Variants in SYNE2 observed in about 807,000 individuals in gnomAD.
SYNE2 encodes the protein nesprin-2.
Under a neutral mutation model 856.3 loss-of-function variants are expected in SYNE2, and 431 were observed. That is an observed-to-expected ratio of 0.50 (90% confidence interval 0.47 to 0.55). SYNE2 has a LOEUF of 0.55. SYNE2 is among the 20% of genes least tolerant of loss of function. The pLI is 0.00. For missense variants in SYNE2, 8,129 were observed against 8,023.2 expected, an observed-to-expected ratio of 1.01 and a Z score of -0.50; for synonymous variants, 2,923 against 2,872.3, an observed-to-expected ratio of 1.02 and a Z score of -0.56.
intron 85 of SYNE2, among the ~76,000 whole-genome samples, chr14:64,157,298 T>G (rs530860462): frequency 4.6e-5 from 7 of 152,222 alleles, no homozygotes; most frequent in African/African-American, 1.4e-4. Context: ...TACCTTCTTA[T>G]GGATTTACCT....
chr14:64,096,508 A>G (rs1245639011), intron 61 of SYNE2, among the ~76,000 whole-genome samples: 1 of 152,138 alleles, frequency 6.6e-6, no homozygotes, highest in East Asian at 1.9e-4. Flanking sequence ...GTGTTATCCT[A>G]GTGGCTGTAG....
chr14:63,881,212 C>A (rs1595401478), intron 1 of SYNE2, among the ~76,000 whole-genome samples: 2 of 151,796 alleles, frequency 1.3e-5, no homozygotes, highest in Non-Finnish European at 2.9e-5. Flanking sequence ...CTCCTGGGCT[C>A]AAGCAGTCTG....
chr14:63,879,777 C>G (rs1566691080), intron 1 of SYNE2, among the ~76,000 whole-genome samples: 1 of 152,206 alleles, frequency 6.6e-6, no homozygotes, highest in Non-Finnish European at 1.5e-5. Context: ...TTTACAAATA[C>G]CGCAAGATTA....
intron 1 of SYNE2, among the ~76,000 whole-genome samples, chr14:63,783,902 C>T (rs1427291926): frequency 3.3e-5 from 5 of 152,080 alleles, no homozygotes; most frequent in Non-Finnish European, 7.4e-5. Context: ...ATGGTATCAA[C>T]GCTAAACTTT....
rs767091049 is a variant in SYNE2 at position 64,025,325 on chromosome 14, T to C, written c.6156T>C (p.Asp2052=). Residue 2052 remains aspartate, a synonymous_variant, in exon 41 of 116, where the codon GAT becomes GAC. Coordinates refer to ENST00000555002, the MANE Select transcript of SYNE2 (RefSeq NM_182914.3). ...AGAGCTTTAATGATCTTGCACATGA[T>C]GTAATTCATTGGATAAAAGAGATTA... is the stretch of plus-strand genomic sequence containing the variant. ...EDQSFNDLAH[D]VIHWIKEIKE... 6.2e-7 allele frequency: 1 copy of C among 1,614,098 alleles called. No homozygotes were observed. The highest frequency in any genetic ancestry group is 1.1e-5 in the South Asian group (1 of 91,082).
intron 19 of SYNE2, among the ~76,000 whole-genome samples, chr14:63,988,291 A>G (rs2096640867): frequency 6.6e-6 from 1 of 152,174 alleles, no homozygotes; most frequent in African/African-American, 2.4e-5. Context: ...TTGCCCAGGC[A>G]GGCCTTGAAC....
At chr14:63,854,689 G>C (rs1891291211) in intron 1 of SYNE2, among the ~76,000 whole-genome samples, 2 of 152,130 alleles carry the variant, frequency 1.3e-5, no homozygotes, top group African/African-American at 4.8e-5. Flanking sequence ...AACCACTTTT[G>C]GTCAGCTAGC....
At chr14:63,914,431 G>T (rs2095511399) in intron 2 of SYNE2, among the ~76,000 whole-genome samples, 2 of 152,192 alleles carry the variant, frequency 1.3e-5, no homozygotes, top group African/African-American at 4.8e-5. Context: ...TACCTATTGT[G>T]TCTTAAGAGT....
At chr14:64,223,749 T>C (rs943795966) in intron 113 of SYNE2, among the ~76,000 whole-genome samples, 1 of 152,172 alleles carries the variant, frequency 6.6e-6, no homozygotes, top group Admixed American at 6.5e-5. Context: ...ATAGCTGGCC[T>C]ACTTTAAAAT....
rs1337712658 is a variant in SYNE2, at chr14:64,163,497, C to T, written c.16395C>T (p.His5465=). 1.9e-6 allele frequency: 3 copies of T among 1,614,202 alleles called. No homozygotes were observed. The highest frequency in any genetic ancestry group is 1.7e-5 in the Admixed American group (1 of 60,026). Residue 5465 remains histidine, a synonymous_variant, in exon 89 of 116, where the codon CAC becomes CAT. Transcript: ENST00000555002. ...CACAACCCGCAGAGTCCAGCACCCA[C>T]ATGCTCCTCCCGGGCCCCCTGCACT... is the stretch of plus-strand genomic sequence containing the variant. ...RLPQPAESST[H]MLLPGPLHSL...
intron 112 of SYNE2, 82 bp from the exon 113 acceptor site, chr14:64,223,107 C>G (rs1056728504): frequency 1.4e-6 from 2 of 1,468,194 alleles, no homozygotes; most frequent in Non-Finnish European, 9.5e-7. Flanking sequence ...TGGAATTTTT[C>G]TGGTACTGAG....
chr14:64,168,232 T>C (rs1259221772), intron 92 of SYNE2, among the ~76,000 whole-genome samples: 1 of 152,148 alleles, frequency 6.6e-6, no homozygotes, highest in African/African-American at 2.4e-5. Context: ...CCCTTCCGAG[T>C]AGCTGGGACT....
intron 8 of SYNE2, chr14:63,956,570 T>C: frequency 2.5e-6 from 1 of 405,082 alleles, no homozygotes; most frequent in Non-Finnish European, 4.9e-6. Flanking sequence ...TAAGAGATAA[T>C]TCACATACCA....
rs1188584628 is a variant in SYNE2, at chr14:64,224,532, A to G, written c.20454A>G (p.Pro6818=). The change falls in exon 114 of 116, where the codon CCA becomes CCG. Residue 6818 remains proline (P), a synonymous_variant. Transcript: ENST00000555002. ...ACCAGCCTCCTGCAACATCCGTGCC[A>G]GCTCCCCGAGCAAAGGTAAGAAGCC... ...SGDQPPATSV[P]APRAKFRAVR... is the part of the protein sequence containing the mutation. 6.2e-7 allele frequency: 1 copy of G among 1,613,996 alleles called. No homozygotes were observed. The highest frequency in any genetic ancestry group is 1.3e-5 in the African/African-American group (1 of 74,912).
In SYNE2 at chr14:64,141,932, G is replaced by A; in HGVS notation, c.15160-10G>A. ...CAGGCAATTAAATGGAAATCATTTT[G>A]TTCTTACAGCTTCAAATGGAGAAAT... On this transcript the variant is annotated splice_polypyrimidine_tract_variant and intron_variant, in intron 81 of 115. Transcript: ENST00000555002. 6.2e-7 allele frequency: 1 copy of A among 1,613,414 alleles called. No homozygotes were observed. Among genetic ancestry groups the A allele is most frequent in the Non-Finnish European group, 8.5e-7 (1 of 1,179,774 alleles).
chr14:64,072,424 T>TG (rs1186039847), intron 52 of SYNE2, among the ~76,000 whole-genome samples: 1 of 152,054 alleles, frequency 6.6e-6, no homozygotes, highest in Non-Finnish European at 1.5e-5. Flanking sequence ...TCACACAGGC[T>TG]GGGGGCTCAA....
intron 99 of SYNE2, chr14:64,190,477 T>C (rs1322484392): frequency 3.1e-6 from 2 of 648,814 alleles, no homozygotes; most frequent in Non-Finnish European, 5.5e-6. Context: ...AGAGTAGTTT[T>C]AATGAAGAGT....
intron 51 of SYNE2, among the ~76,000 whole-genome samples, chr14:64,069,823 A>T (rs957685425): frequency 1.3e-5 from 2 of 152,172 alleles, no homozygotes; most frequent in Admixed American, 1.3e-4. Context: ...TCACCATTTC[A>T]GTTAGCATGA....
In SYNE2 at chr14:64,186,318, T is replaced by C. The variant is rs962965109; in HGVS notation, c.17557-106T>C. ...ATTCAGAAGGTCCCTCCCTCTCTCC[T>C]GGCCTCCCCTCCCCCAGAGTCTAAT... On this transcript the variant is annotated intron_variant, in intron 96 of 115. Transcript: ENST00000555002. The C allele has an allele frequency of 3.1e-5, 45 of 1,465,704 alleles. No homozygotes were observed. In the African/African-American group the frequency reaches 5.6e-4, roughly 18 times the overall value. The allele number at this position is 1,465,704 out of a possible 1,614,324, so 90.8% of individuals were successfully genotyped here. A position where few individuals can be genotyped will look rare whatever the true frequency, so the allele number is the denominator to read the frequency against.
Sources: gnomAD v4.1 joint callset for allele counts (sites outside exome capture counted in the v4.1 genomes callset) on GRCh38, gnomAD v4.1.1 for gene constraint, MANE v1.5 for transcripts, NCBI Gene and HGNC (gene_info 2026-07-23, HGNC 2026-07-21) for gene names.